IFT56: variants seen among roughly 807,000 people sequenced by gnomAD.
IFT56 encodes the protein intraflagellar transport 56, also known as intraflagellar transport protein 56.
chr7:139,170,818 T>G, the IFT56 span, among the ~76,000 whole-genome samples: 1 of 152,226 alleles, frequency 6.6e-6, no homozygotes, highest in Non-Finnish European at 1.5e-5. Context: ...CTTTCACCAC[T>G]GTTATTCAAC....
the IFT56 span, among the ~76,000 whole-genome samples, chr7:139,157,706 A>G: frequency 6.6e-6 from 1 of 151,876 alleles, no homozygotes; most frequent in Middle Eastern, 3.4e-3. Context: ...AGGTCTCACT[A>G]CATTGCTAAG....
At chr7:139,169,227 T>C in the IFT56 span, 924 of 1,366,366 alleles carry the variant, frequency 6.8e-4, 1 homozygote, top group Admixed American at 2.9e-3. Flanking sequence ...TAGAACCATA[T>C]AGTATAATAA....
the IFT56 span, among the ~76,000 whole-genome samples, chr7:139,171,512 C>A: frequency 6.6e-6 from 1 of 152,080 alleles, no homozygotes; most frequent in African/African-American, 2.4e-5. Context: ...CAATGGAGCA[C>A]ATTAAGAGAA....
chr7:139,181,069 C>G, the IFT56 span: 1 of 1,475,552 alleles, frequency 6.8e-7, no homozygotes, highest in Non-Finnish European at 9.4e-7. Context: ...CATTTGTTTA[C>G]AAATCTTTGT....
chr7:139,150,526 T>C, the IFT56 span, among the ~76,000 whole-genome samples: 1 of 152,182 alleles, frequency 6.6e-6, no homozygotes, highest in African/African-American at 2.4e-5. Context: ...CTTTTTCCTT[T>C]GAAATTGTGT....
the IFT56 span, among the ~76,000 whole-genome samples, chr7:139,157,306 C>T: frequency 6.4e-4 from 97 of 151,364 alleles, no homozygotes; most frequent in East Asian, 0.017. Context: ...GCCACCACAC[C>T]CTGCTAATCT....
At chr7:139,149,318 AAAG>A in the IFT56 span, among the ~76,000 whole-genome samples, 1 of 151,570 alleles carries the variant, frequency 6.6e-6, no homozygotes, top group Non-Finnish European at 1.5e-5. Flanking sequence ...AAAAAAAAAA[AAAG>A]AACCCTGGCA....
At chr7:139,140,094 G>GA in the IFT56 span, 2 of 793,196 alleles carry the variant, frequency 2.5e-6, no homozygotes, top group South Asian at 2.3e-5. Context: ...TTTTTCTCTT[G>GA]AGAAAAAAAA....
the IFT56 span, among the ~76,000 whole-genome samples, chr7:139,166,602 C>T: frequency 6.6e-6 from 1 of 152,084 alleles, no homozygotes; most frequent in African/African-American, 2.4e-5. Context: ...ATGCCTCATC[C>T]ATGTTCTTAG....
the IFT56 span, among the ~76,000 whole-genome samples, chr7:139,158,534 A>G: frequency 3.3e-5 from 5 of 152,172 alleles, no homozygotes; most frequent in African/African-American, 7.2e-5. Flanking sequence ...GTTGAAGTAT[A>G]GCATGTTGTA....
chr7:139,147,331 T>C, the IFT56 span: 1 of 1,531,658 alleles, frequency 6.5e-7, no homozygotes. Context: ...CCTTTCATTT[T>C]GTTAGTTTCT....
At chr7:139,147,300 C>T in the IFT56 span, 8 of 1,587,082 alleles carry the variant, frequency 5.0e-6, no homozygotes, top group Non-Finnish European at 6.8e-6. Context: ...GGTCTGTGTC[C>T]TTTTATGCCC....
the IFT56 span, among the ~76,000 whole-genome samples, chr7:139,150,444 C>G: frequency 1.4e-3 from 209 of 152,192 alleles, no homozygotes; most frequent in African/African-American, 4.8e-3. Context: ...TACTCAATAT[C>G]CTATCTATAG....
chr7:139,165,082 T>A, the IFT56 span: 1 of 1,453,988 alleles, frequency 6.9e-7, no homozygotes, highest in African/African-American at 1.4e-5. Flanking sequence ...TTGTCACCAA[T>A]AAATATATAC....
chr7:139,164,504 T>G, the IFT56 span, among the ~76,000 whole-genome samples: 1 of 152,228 alleles, frequency 6.6e-6, no homozygotes, highest in African/African-American at 2.4e-5. Flanking sequence ...ATAGTTATAA[T>G]TTTATTTTTA....
the IFT56 span, chr7:139,139,899 A>G: frequency 6.2e-7 from 1 of 1,609,694 alleles, no homozygotes; most frequent in East Asian, 2.2e-5. Flanking sequence ...GGAATACGAA[A>G]ATGCTACAAA....
the IFT56 span, among the ~76,000 whole-genome samples, chr7:139,150,254 C>T: frequency 1.2e-4 from 19 of 152,084 alleles, no homozygotes; most frequent in Non-Finnish European, 2.4e-4. Context: ...GTAAGAGACT[C>T]GATTAGCAAT....
At chr7:139,139,564 A>G in the IFT56 span, among the ~76,000 whole-genome samples, 4 of 152,348 alleles carry the variant, frequency 2.6e-5, no homozygotes, top group South Asian at 8.3e-4. Context: ...TGAATTTCTT[A>G]AAGGGTATCT....
At chr7:139,164,105 G>T in the IFT56 span, among the ~76,000 whole-genome samples, 1 of 152,162 alleles carries the variant, frequency 6.6e-6, no homozygotes, top group Non-Finnish European at 1.5e-5. Context: ...CTTTATGGAG[G>T]TCTGTCCCCA....
Sources: allele counts gnomAD v4.1 joint callset (sites outside exome capture counted in the v4.1 genomes callset), GRCh38; gene constraint gnomAD v4.1.1; transcripts MANE v1.5; gene names NCBI Gene and HGNC (gene_info 2026-07-23, HGNC 2026-07-21).